Variants in ZNF462 observed in about 807,000 individuals in gnomAD.
ZNF462 encodes zinc finger PBX1-interacting protein.
ZNF462 carries 10 observed loss-of-function variants against 201.9 expected under a neutral mutation model. That is an observed-to-expected ratio of 0.05 (90% CI 0.03 to 0.08). The LOEUF (loss-of-function observed/expected upper bound fraction) is 0.08. Among genes scored for constraint, ZNF462 ranks in the 10% least tolerant of loss-of-function variants. The pLI is 1.00. For synonymous variants in ZNF462, 1,227 were observed against 1,193.3 expected (o/e 1.03, Z -0.58); for missense variants, 2,523 against 3,168.3 (o/e 0.80, Z 4.89).
At position 106,890,263 on chromosome 9, in the gene ZNF462, A is replaced by G. The variant is rs80023410; in HGVS notation, c.-31+26908A>G. 6.6e-5 allele frequency among the ~76,000 whole-genome samples: 10 copies of G among 152,326 alleles called. No homozygotes were observed. The highest frequency in any genetic ancestry group is 1.9e-4 in the East Asian group (1 of 5,192). ...CACTCTTCAATTCTGTTGTCAGCCT[A>G]TGTTCCACAATCATTTGTGTGTGTG... is the stretch of plus-strand genomic sequence containing the variant. On this transcript the variant is annotated intron_variant, in intron 1 of 12. Coordinates refer to ENST00000277225, the MANE Select transcript of ZNF462 (RefSeq NM_021224.6). The surrounding 1 kb of genome is among the most constrained non-coding windows in gnomAD (Gnocchi z 4.2).
chr9:106,910,767 T>A (rs796075147), intron 1 of ZNF462, among the ~76,000 whole-genome samples: 6 of 152,170 alleles, frequency 3.9e-5, no homozygotes, highest in African/African-American at 1.4e-4. Context: ...TAGCCACCAT[T>A]TTTTTCTGGA....
intron 7 of ZNF462, among the ~76,000 whole-genome samples, chr9:106,946,619 C>G (rs1243484205): frequency 6.6e-6 from 1 of 152,022 alleles, no homozygotes; most frequent in African/African-American, 2.4e-5. Context: ...AACAGCCTTG[C>G]TAGAGTCGAG....
intron 1 of ZNF462, among the ~76,000 whole-genome samples, chr9:106,910,069 G>C (rs536428427): frequency 2.6e-5 from 4 of 152,158 alleles, no homozygotes; most frequent in African/African-American, 9.6e-5. Flanking sequence ...TTTGAAGACT[G>C]TTTTCCACAT....
chr9:106,970,524 T>C lies in ZNF462; in HGVS notation c.6428-1481T>C, dbSNP rs914905583. ...CATGTCCTGCCTTAGGGAATTATGCTTTGGAAAATTAAGTGTCCATCAAAT... is the reference window on the plus strand; with the variant it reads ...CATGTCCTGCCTTAGGGAATTATGCCTTGGAAAATTAAGTGTCCATCAAAT... On this transcript the variant is annotated intron_variant, in intron 7 of 12. Coordinates refer to ENST00000277225, the MANE Select transcript of ZNF462 (RefSeq NM_021224.6). The surrounding 1 kb of genome is among the most constrained non-coding windows in gnomAD (Gnocchi z 4.2). Among the ~76,000 whole-genome samples, 2 of 152,202 alleles carry C rather than the reference T, an allele frequency of 1.3e-5. No homozygotes were observed. Among genetic ancestry groups the C allele is most frequent in the Admixed American group, 1.3e-4 (2 of 15,278 alleles).
At chr9:106,975,084 T>C (rs892639289) in intron 9 of ZNF462, 2 of 152,228 alleles carry the variant, frequency 1.3e-5, no homozygotes, top group East Asian at 1.9e-4. Flanking sequence ...AGGAAAAATA[T>C]GTAGAATCTG....
intron 1 of ZNF462, among the ~76,000 whole-genome samples, chr9:106,877,853 G>A (rs1488845979): frequency 1.3e-5 from 2 of 152,120 alleles, no homozygotes; most frequent in African/African-American, 4.8e-5. Flanking sequence ...CAAAACTAAA[G>A]GAGTAGAGAT....
At chr9:106,879,332 A>ACCCCCCCCCCCCC (rs796290122) in intron 1 of ZNF462, among the ~76,000 whole-genome samples, 10 of 70,630 alleles carry the variant, frequency 1.4e-4, no homozygotes, top group East Asian at 5.9e-4. Context: ...GATGCTTTCC[A>ACCCCCCCCCCCCC]CCCCCCCCCC....
Position 106,936,908 on chromosome 9 carries a change from G to C in ZNF462, c.6235+1287G>C, listed in dbSNP as rs376250279. Among the ~76,000 whole-genome samples the C allele has an allele frequency of 4.4e-4, 67 of 152,254 alleles. No homozygotes were observed. In the South Asian group the frequency reaches 0.014, roughly 31 times the overall value. The stretch of plus-strand genomic sequence containing the variant: ...AAAAACTGGCCTCCCTGTACTCACT[G>C]GCTGGCAGGAAGAGAGCATCCAGTA... On this transcript the variant is annotated intron_variant, in intron 6 of 12. Coordinates refer to ENST00000277225, the MANE Select transcript of ZNF462 (RefSeq NM_021224.6).
intron 1 of ZNF462, among the ~76,000 whole-genome samples, chr9:106,893,949 T>C (rs989050133): frequency 5.9e-5 from 9 of 152,212 alleles, no homozygotes; most frequent in Admixed American, 3.9e-4. Flanking sequence ...GATCCTGACA[T>C]TTCTGGAGGA....
intron 9 of ZNF462, among the ~76,000 whole-genome samples, chr9:106,979,977 G>A (rs373492354): frequency 9.9e-5 from 15 of 152,206 alleles, no homozygotes; most frequent in African/African-American, 3.1e-4. Context: ...CCTTGGGAAC[G>A]GAAATAATCT....
chr9:107,009,375 A>G lies in ZNF462; in HGVS notation c.7190-170A>G. 1 of 834,618 alleles carries G rather than the reference A, an allele frequency of 1.2e-6. No homozygotes were observed. Among genetic ancestry groups the G allele is most frequent in the Non-Finnish European group, 1.8e-6 (1 of 559,654 alleles). 51.7% of individuals were successfully genotyped at this position (834,618 alleles called of 1,614,324 possible). A position where few individuals can be genotyped will look rare whatever the true frequency, so the allele number is the denominator to read the frequency against. ...CAGAAACAGTTCTCGAATGCTATTC[A>G]AGGAATGCCCTAAGGGGGAAACCTA... is the stretch of plus-strand genomic sequence containing the variant. On this transcript the variant is annotated intron_variant, in intron 11 of 12. Coordinates refer to ENST00000277225, the MANE Select transcript of ZNF462 (RefSeq NM_021224.6). The surrounding 1 kb of genome is among the most constrained non-coding windows in gnomAD (Gnocchi z 6.1).
At chr9:106,949,737 A>G (rs1002808863) in intron 7 of ZNF462, among the ~76,000 whole-genome samples, 1 of 151,998 alleles carries the variant, frequency 6.6e-6, no homozygotes, top group African/African-American at 2.4e-5. Context: ...GTCTTCCTCT[A>G]TGAACTCAGT....
chr9:106,927,491 C>T lies in ZNF462; in HGVS notation c.3579C>T (p.Phe1193=), dbSNP rs755031395. The T allele has an allele frequency of 2.5e-6, 4 of 1,612,764 alleles. No individual in the cohort carries two copies. In the Admixed American group the frequency reaches 6.7e-5, roughly 27 times the overall value. ...RDGPPVENEM[F]FCQHCDYGNR... ...GCCCTCCTGTGGAGAATGAGATGTTCTTTTGCCAGCACTGTGATTATGGGA... is the reference window on the plus strand; with the variant it reads ...GCCCTCCTGTGGAGAATGAGATGTTTTTTTGCCAGCACTGTGATTATGGGA... The change falls in exon 3 of 13, where the codon TTC becomes TTT. Residue 1193 remains phenylalanine (F), a synonymous_variant. Transcript: ENST00000277225.
chr9:106,936,592 T>A (rs1022161491), intron 6 of ZNF462, among the ~76,000 whole-genome samples: 2 of 152,210 alleles, frequency 1.3e-5, no homozygotes, highest in African/African-American at 4.8e-5. Flanking sequence ...GGGGCTTTTC[T>A]CTATCTTTTT....
intron 1 of ZNF462, among the ~76,000 whole-genome samples, chr9:106,904,360 G>A (rs184189833): frequency 6.6e-6 from 1 of 152,260 alleles, no homozygotes; most frequent in African/African-American, 2.4e-5. Context: ...CAGCTCTTAA[G>A]ATTCTTTCCT....
rs1267212730 is a variant in ZNF462, at chr9:106,895,725, T to C, written c.-30-27629T>C. On this transcript the variant is annotated intron_variant, in intron 1 of 12. Coordinates refer to ENST00000277225, the MANE Select transcript of ZNF462 (RefSeq NM_021224.6). This position sits in a 1 kb window ranked among gnomAD's most constrained non-coding sequence, Gnocchi z 4.4. ...TTGTCTTTCTTTGCTAAAACCTATGTTAGTTCTAGTGACCTGTGCTGATTG... is the reference window on the plus strand; with the variant it reads ...TTGTCTTTCTTTGCTAAAACCTATGCTAGTTCTAGTGACCTGTGCTGATTG... Among the ~76,000 whole-genome samples, 1 of 152,226 alleles carries C rather than the reference T, an allele frequency of 6.6e-6. No homozygotes were observed. Among genetic ancestry groups the C allele is most frequent in the Non-Finnish European group, 1.5e-5 (1 of 68,046 alleles).
chr9:106,874,318 A>G (rs1240822191), intron 1 of ZNF462, among the ~76,000 whole-genome samples: 2 of 152,186 alleles, frequency 1.3e-5, no homozygotes, highest in Non-Finnish European at 2.9e-5. Context: ...AGCCTGTCTC[A>G]AAGACCAGTT....
rs548714964 is a variant in ZNF462, at chr9:106,902,856, T to A, written c.-30-20498T>A. Among the ~76,000 whole-genome samples, 324 of 152,294 alleles carry A rather than the reference T, an allele frequency of 2.1e-3. No individual in the cohort carries two copies. The highest frequency in any genetic ancestry group is 3.7e-3 in the Non-Finnish European group (255 of 68,000). On this transcript the variant is annotated intron_variant, in intron 1 of 12. Transcript: ENST00000277225. The surrounding 1 kb of genome is among the most constrained non-coding windows in gnomAD (Gnocchi z 4.2). ...TTGCTAATGGTCTATCAATTTTATTTATCTTCTCAAAGAACCAGCTTTTGT... is the reference window on the plus strand; with the variant it reads ...TTGCTAATGGTCTATCAATTTTATTAATCTTCTCAAAGAACCAGCTTTTGT...
intron 6 of ZNF462, among the ~76,000 whole-genome samples, chr9:106,937,838 T>A (rs1207209484): frequency 6.6e-6 from 1 of 152,198 alleles, no homozygotes; most frequent in Non-Finnish European, 1.5e-5. Context: ...TGGTTGTAAA[T>A]TTAGGTTATT....
Sources: allele counts gnomAD v4.1 joint callset (sites outside exome capture counted in the v4.1 genomes callset), GRCh38; gene constraint gnomAD v4.1.1; non-coding constraint Gnocchi (gnomAD v3.1); transcripts MANE v1.5; gene names NCBI Gene and HGNC (gene_info 2026-07-23, HGNC 2026-07-21).